PCCA: variants seen among roughly 807,000 people sequenced by gnomAD.
PCCA encodes the protein propionyl-CoA carboxylase subunit alpha, also known as propionyl-CoA carboxylase alpha chain, mitochondrial.
A neutral mutation model predicts 101.3 loss-of-function variants in PCCA; 74 were observed. That is an observed-to-expected ratio of 0.73 (90% CI 0.61 to 0.89). PCCA has a LOEUF of 0.89. Among genes scored for constraint, PCCA ranks in the 40% least tolerant of loss-of-function variants. PCCA has a pLI of 0.00. For synonymous variants in PCCA, 294 were observed against 313.6 expected (o/e 0.94, Z 0.66); for missense variants, 891 against 907.0 (o/e 0.98, Z 0.23).
chr13:100,348,359 A>G (rs1019205118), intron 18 of PCCA, among the ~76,000 whole-genome samples: 6 of 152,222 alleles, frequency 3.9e-5, no homozygotes, highest in Admixed American at 1.3e-4. Flanking sequence ...AAGAAAAGTT[A>G]ATGTCAGAAA....
chr13:100,448,329 A>C (rs958941320), intron 20 of PCCA, among the ~76,000 whole-genome samples: 2 of 152,058 alleles, frequency 1.3e-5, no homozygotes, highest in Admixed American at 6.5e-5. Context: ...AGTAGCTGGG[A>C]CTACAGGTGT....
rs1339163335 is a variant in PCCA, at chr13:100,095,668, C to G, written c.105+6443C>G. Among the ~76,000 whole-genome samples the G allele has an allele frequency of 2.0e-5, 3 of 152,072 alleles. No individual in the cohort carries two copies. The East Asian group carries it at 5.8e-4, about 29-fold the overall frequency. ...ACCAAGGAGTGCCAGGGCAAAAGCT[C>G]TGAGGGGAGATTGCATTTGGCATAA... On this transcript the variant is annotated intron_variant, in intron 1 of 23. Coordinates refer to ENST00000376285, the MANE Select transcript of PCCA (RefSeq NM_000282.4).
intron 20 of PCCA, among the ~76,000 whole-genome samples, chr13:100,446,704 T>C (rs926992250): frequency 1.3e-5 from 2 of 152,220 alleles, no homozygotes; most frequent in Non-Finnish European, 2.9e-5. Flanking sequence ...TTTCTGTCTT[T>C]TTTTGCCTTT....
rs550726504 is a variant in PCCA, at chr13:100,126,285, C to CTT, written c.300+14233_300+14234dup. Among the ~76,000 whole-genome samples, 600 of 148,982 alleles carry CTT rather than the reference C, an allele frequency of 4.0e-3. 4 individuals are homozygous for CTT. The highest frequency in any genetic ancestry group is 0.014 in the African/African-American group (572 of 40,774). ...GTGATTTGTGTTTATAGTATGGTAT[C>CTT]TTTTTTTTTTAACAGAGTCATTTAA... On this transcript the variant is annotated intron_variant, in intron 4 of 23. Coordinates refer to ENST00000376285, the MANE Select transcript of PCCA (RefSeq NM_000282.4).
At chr13:100,337,938 G>T (rs1357757838) in intron 17 of PCCA, among the ~76,000 whole-genome samples, 2 of 152,188 alleles carry the variant, frequency 1.3e-5, no homozygotes, top group Non-Finnish European at 2.9e-5. Flanking sequence ...TGTTTAAAGT[G>T]CTATGATAAT....
At chr13:100,311,103 G>A (rs2066878708) in intron 16 of PCCA, among the ~76,000 whole-genome samples, 1 of 151,684 alleles carries the variant, frequency 6.6e-6, no homozygotes, top group Admixed American at 6.6e-5. Flanking sequence ...GCGTGGTGGT[G>A]GGCGTCTGTA....
At chr13:100,371,858 A>G (rs915210774) in intron 19 of PCCA, among the ~76,000 whole-genome samples, 1 of 152,240 alleles carries the variant, frequency 6.6e-6, no homozygotes, top group Admixed American at 6.5e-5. Flanking sequence ...ACTAGGATAG[A>G]GAGCCCATAA....
chr13:100,361,358 A>G (rs2074569676), intron 18 of PCCA, among the ~76,000 whole-genome samples: 1 of 152,196 alleles, frequency 6.6e-6, no homozygotes, highest in Non-Finnish European at 1.5e-5. Flanking sequence ...TGTTCATAAT[A>G]GAGGAATTCA....
intron 18 of PCCA, among the ~76,000 whole-genome samples, chr13:100,356,974 C>T (rs1189473459): frequency 4.6e-5 from 7 of 152,080 alleles, no homozygotes; most frequent in African/African-American, 1.4e-4. Flanking sequence ...CAAAGTAGAT[C>T]ACAAATTTTC....
chr13:100,100,216 T>A (rs2047150749), intron 1 of PCCA, among the ~76,000 whole-genome samples: 1 of 152,220 alleles, frequency 6.6e-6, no homozygotes, highest in South Asian at 2.1e-4. Context: ...GACCCAAGTC[T>A]TGTGACTCTG....
intron 21 of PCCA, among the ~76,000 whole-genome samples, chr13:100,473,751 G>A (rs1312128106): frequency 2.0e-5 from 3 of 152,172 alleles, no homozygotes; most frequent in African/African-American, 2.4e-5. Flanking sequence ...AGTTTGCTTC[G>A]CAGCAGTAGC....
chr13:100,106,756 A>G (rs2047837837), intron 2 of PCCA, among the ~76,000 whole-genome samples: 1 of 152,208 alleles, frequency 6.6e-6, no homozygotes, highest in Non-Finnish European at 1.5e-5. Context: ...ATAAAGGTGT[A>G]GAAGTGGAAT....
intron 22 of PCCA, among the ~76,000 whole-genome samples, chr13:100,517,483 A>G (rs1433173840): frequency 6.6e-6 from 1 of 152,212 alleles, no homozygotes. Context: ...AAAAACACCC[A>G]CCAATAATTA....
chr13:100,405,271 G>A (rs558024648), intron 19 of PCCA, among the ~76,000 whole-genome samples: 46 of 152,288 alleles, frequency 3.0e-4, no homozygotes, highest in Middle Eastern at 3.4e-3. Flanking sequence ...CAGGATAATT[G>A]CTCAGAACTA....
At chr13:100,495,862 G>T (rs1171532078) in intron 21 of PCCA, among the ~76,000 whole-genome samples, 2 of 151,956 alleles carry the variant, frequency 1.3e-5, no homozygotes, top group Non-Finnish European at 2.9e-5. Context: ...ACTTAGACTT[G>T]GGAAAAGTTG....
At chr13:100,305,932 A>C in intron 14 of PCCA, 1 of 328,144 alleles carries the variant, frequency 3.0e-6, no homozygotes, top group Non-Finnish European at 6.0e-6. Context: ...GCTTGCAAAT[A>C]CAGAAATAAA....
intron 12 of PCCA, among the ~76,000 whole-genome samples, chr13:100,286,660 A>T (rs964914926): frequency 6.6e-6 from 1 of 151,702 alleles, no homozygotes; most frequent in South Asian, 2.1e-4. Flanking sequence ...CTTTTTTTTA[A>T]TGTGTCTTGG....
intron 18 of PCCA, among the ~76,000 whole-genome samples, chr13:100,344,135 T>TA (rs2071821438): frequency 6.6e-6 from 1 of 152,206 alleles, no homozygotes; most frequent in Admixed American, 6.5e-5. Flanking sequence ...TAATGCAACT[T>TA]AAAAAACTGT....
intron 16 of PCCA, 60 bp from the exon 17 acceptor site, chr13:100,330,501 A>T: frequency 2.0e-6 from 2 of 997,374 alleles, no homozygotes; most frequent in Admixed American, 3.4e-5. Flanking sequence ...TCTCCAGATT[A>T]TCAGAATTCA....
Sources: allele counts gnomAD v4.1 joint callset (sites outside exome capture counted in the v4.1 genomes callset), GRCh38; gene constraint gnomAD v4.1.1; transcripts MANE v1.5; gene names NCBI Gene and HGNC (gene_info 2026-07-23, HGNC 2026-07-21).